Variants in MIB1 observed in about 807,000 individuals in gnomAD.
MIB1 encodes the protein E3 ubiquitin-protein ligase MIB1.
In MIB1, 278 loss-of-function variants were observed where a neutral mutation model predicts 124.5. The observed-to-expected ratio is 2.23, with a 90% CI of 2.02 to 2.47. The LOEUF (loss-of-function observed/expected upper bound fraction) is 2.47, where lower values mean the gene tolerates loss of function less well. Ranked by LOEUF, MIB1 falls within the 30% of genes most tolerant of loss-of-function variation. The pLI, the probability that MIB1 is intolerant of heterozygous loss-of-function variation, is 0.00. For missense variants in MIB1, 957 were observed against 1,254.4 expected, an observed-to-expected ratio of 0.76 and a Z score of 3.58; for synonymous variants, 446 against 429.4, an observed-to-expected ratio of 1.04 and a Z score of -0.48.
rs749580383 is a variant in MIB1, at chr18:21,815,327, C to T, written c.1480-289C>T. Among the ~76,000 whole-genome samples the T allele has an allele frequency of 2.6e-5, 4 of 151,794 alleles. No homozygotes were observed. The East Asian group carries it at 7.8e-4, about 30-fold the overall frequency. Reference sequence around the variant, plus strand: ...GGGACTACAGGTGGGTGCCACCATGCCTGGCTCTCTCTACAAGACAGGATC... The same window carrying T: ...GGGACTACAGGTGGGTGCCACCATGTCTGGCTCTCTCTACAAGACAGGATC... On this transcript the variant is annotated intron_variant, in intron 10 of 20. Transcript: ENST00000261537.
At chr18:21,853,298 T>C in intron 18 of MIB1, 80 bp downstream of exon 18, 1 of 1,086,294 alleles carries the variant, frequency 9.2e-7, no homozygotes. Flanking sequence ...GAGGGTTTTT[T>C]TGCTTTTGAT....
chr18:21,728,350 G>A (rs899252844), intron 1 of MIB1, among the ~76,000 whole-genome samples: 6 of 152,162 alleles, frequency 3.9e-5, no homozygotes, highest in East Asian at 3.9e-4. Context: ...AAAATTAGCC[G>A]GGCATGGTTG....
At chr18:21,714,350 T>G (rs2040679185) in intron 1 of MIB1, among the ~76,000 whole-genome samples, 1 of 152,182 alleles carries the variant, frequency 6.6e-6, no homozygotes, top group African/African-American at 2.4e-5. Flanking sequence ...TACGTGAGTT[T>G]CATGCTGGGA....
At chr18:21,853,873 T>A (rs981558629) in intron 18 of MIB1, among the ~76,000 whole-genome samples, 1 of 152,030 alleles carries the variant, frequency 6.6e-6, no homozygotes, top group Non-Finnish European at 1.5e-5. Flanking sequence ...TTTTATTTTA[T>A]TTTTTATTTT....
At chr18:21,811,919 GA>G (rs2041778358) in intron 10 of MIB1, among the ~76,000 whole-genome samples, 1 of 152,068 alleles carries the variant, frequency 6.6e-6, no homozygotes, top group South Asian at 2.1e-4. Flanking sequence ...AAAAAATCAT[GA>G]TGGTTATTTA....
intron 5 of MIB1, among the ~76,000 whole-genome samples, chr18:21,778,518 C>T (rs1017548772): frequency 6.6e-6 from 1 of 151,880 alleles, no homozygotes; most frequent in South Asian, 2.1e-4. Flanking sequence ...TTAAAAATTC[C>T]TTAGAATTTT....
chr18:21,745,454 G>A (rs2040900675), intron 1 of MIB1, among the ~76,000 whole-genome samples: 5 of 152,286 alleles, frequency 3.3e-5, no homozygotes, highest in South Asian at 2.1e-4. Context: ...CCTAGTGGGG[G>A]CAAAATTGCT....
chr18:21,838,972 T>A (rs1432964620), intron 13 of MIB1, among the ~76,000 whole-genome samples: 1 of 152,240 alleles, frequency 6.6e-6, no homozygotes, highest in Non-Finnish European at 1.5e-5. Flanking sequence ...CTCACCTTGG[T>A]CATTTCATTC....
intron 1 of MIB1, among the ~76,000 whole-genome samples, chr18:21,755,055 C>A (rs888910024): frequency 6.6e-6 from 1 of 151,386 alleles, no homozygotes; most frequent in African/African-American, 2.5e-5. Flanking sequence ...CTTGGGACCC[C>A]TTCTTTAAGT....
intron 1 of MIB1, among the ~76,000 whole-genome samples, chr18:21,764,271 TCC>T (rs2041131276): frequency 6.6e-6 from 1 of 152,016 alleles, no homozygotes. Flanking sequence ...CTGCCTTCCC[TCC>T]CTCTTCCTTC....
intron 4 of MIB1, among the ~76,000 whole-genome samples, chr18:21,777,838 G>A (rs893701619): frequency 2.6e-5 from 4 of 152,270 alleles, no homozygotes; most frequent in Middle Eastern, 3.4e-3. Context: ...GATTACAGGC[G>A]TGAGCCAACG....
intron 11 of MIB1, 134 bp from the exon 12 acceptor site, chr18:21,819,361 T>C (rs2041859131): frequency 5.2e-6 from 3 of 573,544 alleles, no homozygotes; most frequent in East Asian, 5.8e-5. Context: ...TTTGTAGTTA[T>C]CACAGAAAGT....
intron 1 of MIB1, among the ~76,000 whole-genome samples, chr18:21,723,232 T>A (rs1217269582): frequency 6.6e-6 from 1 of 152,204 alleles, no homozygotes; most frequent in East Asian, 1.9e-4. Flanking sequence ...CCCTTTGACA[T>A]GCCCCATTAT....
intron 12 of MIB1, chr18:21,825,704 C>A: frequency 1.9e-6 from 1 of 531,686 alleles, no homozygotes; most frequent in Non-Finnish European, 3.9e-6. Flanking sequence ...GTAATCAATG[C>A]ATAGCTACAG....
At chr18:21,733,171 T>G (rs1304205880) in intron 1 of MIB1, among the ~76,000 whole-genome samples, 2 of 152,226 alleles carry the variant, frequency 1.3e-5, no homozygotes, top group Non-Finnish European at 2.9e-5. Context: ...GTTTAAAATT[T>G]CCTTTGAAAG....
At chr18:21,779,731 A>G in intron 6 of MIB1, 46 bp downstream of exon 6, 1 of 1,479,860 alleles carries the variant, frequency 6.8e-7, no homozygotes, top group Non-Finnish European at 9.4e-7. Flanking sequence ...TAAAACTAAT[A>G]TAGAGAAAAG....
intron 1 of MIB1, among the ~76,000 whole-genome samples, chr18:21,717,638 T>C (rs8090519): frequency 0.027 from 4,148 of 151,746 alleles, 204 homozygotes; most frequent in African/African-American, 0.093. Flanking sequence ...CAAAAAAATA[T>C]GAAAAAATCC....
chr18:21,791,427 A>T lies in MIB1; in HGVS notation c.962A>T (p.Asp321Val). ...LTKANIVRSGDAAQGAEGGTS... is the reference protein window; with the variant it reads ...LTKANIVRSGVAAQGAEGGTS... ...AAAGCGAACATTGTCCGAAGTGGAG[A>T]TGCTGCTCAGGGTGCAGAAGGAGGC... The change falls in exon 7 of 21, where the codon GAT (aspartate) becomes GTT (valine). Residue 321 changes from aspartate (D) to valine (V), a missense_variant. Physicochemically the swap from Asp to Val is radical, Grantham distance 152. Coordinates refer to ENST00000261537, the MANE Select transcript of MIB1 (RefSeq NM_020774.4). The T allele has an allele frequency of 6.2e-7, 1 of 1,613,964 alleles. No individual in the cohort carries two copies. Among genetic ancestry groups the T allele is most frequent in the Non-Finnish European group, 8.5e-7 (1 of 1,179,922 alleles).
intron 12 of MIB1, among the ~76,000 whole-genome samples, chr18:21,830,357 A>T (rs1007556362): frequency 2.0e-5 from 3 of 152,170 alleles, no homozygotes; most frequent in African/African-American, 7.2e-5. Flanking sequence ...TCATCACTTA[A>T]TCTGAAACAA....
Sources: allele counts gnomAD v4.1 joint callset (sites outside exome capture counted in the v4.1 genomes callset), GRCh38; gene constraint gnomAD v4.1.1; transcripts MANE v1.5; gene names NCBI Gene and HGNC (gene_info 2026-07-23, HGNC 2026-07-21).